The following ZNF454 variants were observed in gnomAD, a reference collection of about 807,000 sequenced individuals.
ZNF454 encodes the protein zinc finger protein 454.
A neutral mutation model predicts 48.2 loss-of-function variants in ZNF454; 30 were observed. The observed-to-expected ratio is 0.62, with a 90% CI of 0.47 to 0.84. The LOEUF is 0.84. ZNF454 is among the 40% of genes least tolerant of loss of function. ZNF454 has a pLI of 0.00. For synonymous variants in ZNF454, 204 were observed against 211.4 expected (o/e 0.97, Z 0.30); for missense variants, 510 against 623.1 (o/e 0.82, Z 1.93).
chr5:178,977,914 C>G, the ZNF454 span, among the ~76,000 whole-genome samples: 1 of 152,208 alleles, frequency 6.6e-6, no homozygotes, highest in Admixed American at 6.6e-5. Context: ...ATTTACTTCT[C>G]TACACCCTTG....
intron 2 of ZNF454, among the ~76,000 whole-genome samples, chr5:178,943,664 C>G (rs1278763630): frequency 1.3e-5 from 2 of 152,154 alleles, no homozygotes; most frequent in Admixed American, 6.5e-5. Flanking sequence ...TGAAATTATT[C>G]AAAAGACTAT....
chr5:178,957,104 G>C (rs192541208), intron 4 of ZNF454, among the ~76,000 whole-genome samples: 2,274 of 152,034 alleles, frequency 0.015, 31 homozygotes, highest in Middle Eastern at 0.075. Flanking sequence ...GGGTGGTCTC[G>C]ATCTCTTGAC....
At chr5:178,959,020 C>CTTTTTTT (rs59427023) in intron 4 of ZNF454, among the ~76,000 whole-genome samples, 7 of 149,132 alleles carry the variant, frequency 4.7e-5, no homozygotes, top group Non-Finnish European at 7.4e-5. Context: ...CATCAGAGGT[C>CTTTTTTT]TTTTTTTTTT....
At chr5:178,986,498 C>T in the ZNF454 span, 10 of 1,609,666 alleles carry the variant, frequency 6.2e-6, no homozygotes, top group South Asian at 9.9e-5. Context: ...GGCGGGGCTG[C>T]CCAGGGGGAG....
the ZNF454 span, chr5:178,981,903 GC>G: frequency 1.1e-5 from 12 of 1,135,110 alleles, no homozygotes; most frequent in Middle Eastern, 3.9e-4. This position sits in a 1 kb window ranked among gnomAD's most constrained non-coding sequence, Gnocchi z 5.1. Flanking sequence ...TGCTCTCCCT[GC>G]CCCGCTCCAC....
the ZNF454 span, chr5:178,985,783 A>G: frequency 2.0e-6 from 1 of 497,278 alleles, no homozygotes; most frequent in Non-Finnish European, 3.9e-6. Flanking sequence ...TTGTTTTGAG[A>G]CAGGGTCTTA....
chr5:178,941,243 T>A lies in ZNF454; in HGVS notation c.-309T>A. On this transcript the variant is annotated 5_prime_UTR_variant, in exon 1 of 5. Transcript: ENST00000519564. The surrounding 1 kb of genome is among the most constrained non-coding windows in gnomAD (Gnocchi z 5.5). Reference sequence around the variant, plus strand: ...AGCTCATTGTGTTCTGACTGCGATGTGGCGCTTGCGATCTCTCGCCGCCGG... The same window carrying A: ...AGCTCATTGTGTTCTGACTGCGATGAGGCGCTTGCGATCTCTCGCCGCCGG... 1 of 391,656 alleles carries A rather than the reference T, an allele frequency of 2.6e-6. No homozygotes were observed. Among genetic ancestry groups the A allele is most frequent in the South Asian group, 1.9e-5 (1 of 53,610 alleles). 24.3% of individuals were successfully genotyped at this position (391,656 alleles called of 1,614,324 possible). A position where few individuals can be genotyped will look rare whatever the true frequency, so the allele number is the denominator to read the frequency against.
the ZNF454 span, chr5:178,980,210 C>T: frequency 6.5e-6 from 1 of 154,370 alleles, no homozygotes; most frequent in Non-Finnish European, 1.5e-5. The surrounding 1 kb of genome is among the most constrained non-coding windows in gnomAD (Gnocchi z 4.3). Flanking sequence ...TAGCTCCAGA[C>T]ATCACAGACT....
the ZNF454 span, chr5:178,987,380 T>C: frequency 2.4e-5 from 11 of 464,808 alleles, no homozygotes; most frequent in Non-Finnish European, 4.3e-5. Context: ...AGCAGCGTTA[T>C]TCACATAGCC....
At chr5:178,986,511 C>G in the ZNF454 span, 23 of 1,608,882 alleles carry the variant, frequency 1.4e-5, no homozygotes, top group Non-Finnish European at 1.8e-5. Context: ...AGGGGGAGGA[C>G]CAGCTCAGGC....
At chr5:178,955,398 G>A (rs1454823965) in intron 4 of ZNF454, among the ~76,000 whole-genome samples, 3 of 152,140 alleles carry the variant, frequency 2.0e-5, no homozygotes, top group African/African-American at 7.2e-5. Context: ...TGATGTGAGA[G>A]TTTTATCACA....
At chr5:178,986,037 C>T in the ZNF454 span, 5 of 1,194,036 alleles carry the variant, frequency 4.2e-6, no homozygotes, top group Non-Finnish European at 4.7e-6. Flanking sequence ...GCTGGGACTA[C>T]AGGCGTGTGC....
chr5:178,972,113 T>C, the ZNF454 span, among the ~76,000 whole-genome samples: 1 of 152,004 alleles, frequency 6.6e-6, no homozygotes, highest in Non-Finnish European at 1.5e-5. Context: ...TTTTGTATTT[T>C]TGTAGAGATG....
At chr5:178,969,624 C>G (rs1049730064), downstream of ZNF454, 3 of 456,848 alleles carry the variant, frequency 6.6e-6, no homozygotes, top group Admixed American at 7.0e-5. Flanking sequence ...CAAGACTGCT[C>G]TGGTACACCA....
chr5:178,963,225 G>A (rs1020138038), intron 4 of ZNF454, among the ~76,000 whole-genome samples: 2 of 151,698 alleles, frequency 1.3e-5, no homozygotes, highest in Non-Finnish European at 2.9e-5. Context: ...TTCCAATTCA[G>A]ATTTTCTAGT....
chr5:178,947,050 G>T (rs1238536921), intron 4 of ZNF454, 64 bp downstream of exon 4: 2 of 1,400,400 alleles, frequency 1.4e-6, no homozygotes, highest in African/African-American at 1.4e-5. Context: ...GCTCCGTAGG[G>T]AAGGCAGGGA....
chr5:178,965,575 A>C lies in ZNF454; in HGVS notation c.1171A>C (p.Lys391Gln). The C allele has an allele frequency of 1.9e-6, 3 of 1,614,210 alleles. No homozygotes were observed. Among genetic ancestry groups the C allele is most frequent in the Non-Finnish European group, 2.5e-6 (3 of 1,180,032 alleles). Residue 391 changes from lysine (K) to glutamine (Q), a missense_variant, in exon 5 of 5, where the codon AAA (lysine) becomes CAA (glutamine). Transcript: ENST00000519564. This position sits in a 1 kb window ranked among gnomAD's most constrained non-coding sequence, Gnocchi z 5.2. ...ACCTTATAAATGTAATGAATGTGGG[A>C]AAGCTTTCAGGGATAATTCATCCTT... ...EKPYKCNECG[K>Q]AFRDNSSFAR... is the part of the protein sequence containing the mutation.
At chr5:178,950,491 C>T (rs59515073) in intron 4 of ZNF454, among the ~76,000 whole-genome samples, 17,015 of 152,166 alleles carry the variant, frequency 0.11, 1,364 homozygotes, top group African/African-American at 0.23. Flanking sequence ...ACTCGCCCGA[C>T]CCTTCAAGTG....
At chr5:178,988,935 C>T in the ZNF454 span, 19 of 1,611,402 alleles carry the variant, frequency 1.2e-5, no homozygotes, top group Admixed American at 3.3e-5. The surrounding 1 kb of genome is among the most constrained non-coding windows in gnomAD (Gnocchi z 6.0). Flanking sequence ...ACCCACTCAC[C>T]ATTGAAGCGG....
Sources: gnomAD v4.1 joint callset for allele counts (sites outside exome capture counted in the v4.1 genomes callset) on GRCh38, gnomAD v4.1.1 for gene constraint, Gnocchi (gnomAD v3.1) non-coding constraint, MANE v1.5 for transcripts, NCBI Gene and HGNC (gene_info 2026-07-23, HGNC 2026-07-21) for gene names.